The following DENND10 variants were observed in gnomAD, a reference collection of about 807,000 sequenced individuals.
DENND10 encodes DENN domain containing 10.
DENND10 carries 24 observed loss-of-function variants against 43.6 expected under a neutral mutation model. That is an observed-to-expected ratio of 0.55 (90% CI 0.40 to 0.77). The LOEUF is 0.77. DENND10 is among the 30% of genes least tolerant of loss of function. The probability of loss-of-function intolerance (pLI) is 0.00; values close to 1 mark genes in which losing one functional copy is unlikely to be tolerated. For missense variants in DENND10, 303 were observed against 429.9 expected (o/e 0.70, Z 2.61); for synonymous variants, 125 against 157.6 (o/e 0.79, Z 1.55).
chr10:119,109,290 T>C (rs1844860417), intron 2 of DENND10, among the ~76,000 whole-genome samples: 1 of 152,044 alleles, frequency 6.6e-6, no homozygotes. Context: ...TCTTGGTGTG[T>C]TGTTTGATAT....
At chr10:119,117,453 G>A (rs945990375) in intron 3 of DENND10, 66 bp from the exon 4 acceptor site, 9 of 1,533,370 alleles carry the variant, frequency 5.9e-6, no homozygotes, top group Middle Eastern at 3.5e-4. Context: ...ATACCAGCCT[G>A]GGTGCACATC....
At chr10:119,123,077 G>C (rs1335403348) in intron 5 of DENND10, among the ~76,000 whole-genome samples, 4 of 152,128 alleles carry the variant, frequency 2.6e-5, no homozygotes, top group Non-Finnish European at 5.9e-5. Context: ...AGATCAGCCT[G>C]GCCAACATGG....
Position 119,104,151 on chromosome 10 carries a change from G to A in DENND10, c.9G>A (p.Ala3=), listed in dbSNP as rs1415561452. 6 of 1,516,534 alleles carry A rather than the reference G, an allele frequency of 4.0e-6. No individual in the cohort carries two copies. The highest frequency in any genetic ancestry group is 5.3e-6 in the Non-Finnish European group (6 of 1,133,650). The allele number at this position is 1,516,534 out of a possible 1,614,324, so 93.9% of individuals were successfully genotyped here. A position where few individuals can be genotyped will look rare whatever the true frequency, so the allele number is the denominator to read the frequency against. The part of the protein sequence containing the change: MA[A]AEVADTQLML... ...CGCCGCGGCGGCGGAAGATGGCTGC[G>A]GCCGAGGTGGCGGACACTCAGCTGA... The change falls in exon 1 of 9, where the codon GCG becomes GCA. Residue 3 remains alanine (A), a synonymous_variant. Transcript: ENST00000361432.
chr10:119,123,787 G>T (rs1845699542), intron 6 of DENND10, among the ~76,000 whole-genome samples: 1 of 151,444 alleles, frequency 6.6e-6, no homozygotes, highest in African/African-American at 2.4e-5. Context: ...TTTAAAGAGG[G>T]TTTTTTGTTT....
At chr10:119,104,240 C>G in intron 1 of DENND10, 43 bp downstream of exon 1, 1 of 1,487,270 alleles carries the variant, frequency 6.7e-7, no homozygotes, top group East Asian at 2.9e-5. Flanking sequence ...CACCCTGGTT[C>G]TGCCTCTGCT....
At chr10:119,122,835 C>G (rs979556693) in intron 5 of DENND10, among the ~76,000 whole-genome samples, 1 of 147,134 alleles carries the variant, frequency 6.8e-6, no homozygotes, top group Non-Finnish European at 1.5e-5. Context: ...CCCTTAGACT[C>G]CCTTTCCATG....
chr10:119,123,562 G>T lies in DENND10; in HGVS notation c.687G>T (p.Met229Ile). 1 of 1,607,710 alleles carries T rather than the reference G, an allele frequency of 6.2e-7. No homozygotes were observed. The highest frequency in any genetic ancestry group is 8.5e-7 in the Non-Finnish European group (1 of 1,175,174). ...LNADELEALQ[M>I]CTGYVAGFVD... The stretch of plus-strand genomic sequence containing the variant: ...CCGATGAGCTGGAAGCCCTGCAGAT[G>T]TGCACAGGTAGACAAGAGGATCCCA... The change falls in exon 6 of 9, where the codon ATG becomes ATT. Residue 229 changes from methionine (M) to isoleucine (I), a missense_variant. Physicochemically the swap from Met to Ile is conservative, Grantham distance 10. Transcript: ENST00000361432.
intron 6 of DENND10, 22 bp from the exon 7 acceptor site, chr10:119,129,493 G>A: frequency 6.5e-7 from 1 of 1,533,558 alleles, no homozygotes; most frequent in Non-Finnish European, 9.0e-7. Context: ...CTCCAGTAAG[G>A]TTGCTCATGT....
chr10:119,133,521 C>G (rs980043441), intron 8 of DENND10: 11 of 152,174 alleles, frequency 7.2e-5, no homozygotes, highest in Admixed American at 3.3e-4. Flanking sequence ...TCCCTGCCCT[C>G]ATGGAGTCTG....
Position 119,132,845 on chromosome 10 carries a change from A to C in DENND10, c.897+236A>C. On this transcript the variant is annotated intron_variant, in intron 8 of 8. Coordinates refer to ENST00000361432, the MANE Select transcript of DENND10 (RefSeq NM_207009.4). The surrounding 1 kb of genome is among the most constrained non-coding windows in gnomAD (Gnocchi z 4.2). Reference sequence around the variant, plus strand: ...TACACAGGGGCTGGTGCTGACACCGACCGCTGGCAATGAGAAATGTAACTA... The same window carrying C: ...TACACAGGGGCTGGTGCTGACACCGCCCGCTGGCAATGAGAAATGTAACTA... The C allele has an allele frequency of 2.1e-6, 1 of 484,766 alleles. No individual in the cohort carries two copies. The highest frequency in any genetic ancestry group is 3.7e-6 in the Non-Finnish European group (1 of 271,100). 30.0% of individuals were successfully genotyped at this position (484,766 alleles called of 1,614,324 possible).
intron 6 of DENND10, among the ~76,000 whole-genome samples, chr10:119,125,921 C>T (rs1051195453): frequency 6.6e-6 from 1 of 152,026 alleles, no homozygotes; most frequent in Non-Finnish European, 1.5e-5. Flanking sequence ...ATTTTTGTAT[C>T]CACTAACCAT....
chr10:119,130,848 CGA>C (rs1364779076), intron 7 of DENND10, among the ~76,000 whole-genome samples: 4 of 152,018 alleles, frequency 2.6e-5, no homozygotes, highest in East Asian at 1.9e-4. Flanking sequence ...GTGAGTGACC[CGA>C]GAGAGAAAAG....
rs574470175 is a variant in DENND10, at chr10:119,111,717, G to A, written c.253-132G>A. On this transcript the variant is annotated intron_variant, in intron 2 of 8. Coordinates refer to ENST00000361432, the MANE Select transcript of DENND10 (RefSeq NM_207009.4). Reference sequence around the variant, plus strand: ...GCAGAAGTATAAAGAAGCAAGTGAGGACTTGTTAAATTTTGGTCTTTTTCT... The same window carrying A: ...GCAGAAGTATAAAGAAGCAAGTGAGAACTTGTTAAATTTTGGTCTTTTTCT... The A allele has an allele frequency of 1.9e-5, 12 of 637,594 alleles. No individual in the cohort carries two copies. In the East Asian group the frequency reaches 3.0e-4, roughly 16 times the overall value. 39.5% of individuals were successfully genotyped at this position (637,594 alleles called of 1,614,324 possible).
At chr10:119,120,797 A>G (rs186332405) in intron 5 of DENND10, among the ~76,000 whole-genome samples, 1 of 152,302 alleles carries the variant, frequency 6.6e-6, no homozygotes, top group African/African-American at 2.4e-5. Flanking sequence ...GCTGTGGTCA[A>G]TGAAATTTTA....
intron 6 of DENND10, among the ~76,000 whole-genome samples, chr10:119,123,905 A>AG (rs1845705256): frequency 6.6e-6 from 1 of 150,752 alleles, no homozygotes; most frequent in African/African-American, 2.4e-5. Flanking sequence ...TTAAAAAAAA[A>AG]TTGTGGCCGG....
intron 7 of DENND10, among the ~76,000 whole-genome samples, chr10:119,131,268 C>T (rs541737362): frequency 6.6e-6 from 1 of 152,274 alleles, no homozygotes; most frequent in African/African-American, 2.4e-5. Flanking sequence ...ACCAGCCTGG[C>T]TAACACGGTG....
rs746338772 is a variant in DENND10, at chr10:119,117,685, A to C, written c.481+18A>C. 3.7e-6 allele frequency: 6 copies of C among 1,612,504 alleles called. No homozygotes were observed. In the African/African-American group the frequency reaches 8.0e-5, roughly 22 times the overall value. On this transcript the variant is annotated intron_variant, in intron 4 of 8. Transcript: ENST00000361432. ...CATCAAAGGTAAGAAGGGAAAAAACAGGCCAGGGACGGTGGCTCACGCCTG... is the reference window on the plus strand; with the variant it reads ...CATCAAAGGTAAGAAGGGAAAAAACCGGCCAGGGACGGTGGCTCACGCCTG...
chr10:119,121,520 T>C (rs2133497046), intron 5 of DENND10, among the ~76,000 whole-genome samples: 1 of 149,046 alleles, frequency 6.7e-6, no homozygotes, highest in Admixed American at 6.9e-5. Context: ...AGTGGCGCGA[T>C]CTTGGCTCAC....
At chr10:119,111,735 C>A in intron 2 of DENND10, 114 bp from the exon 3 acceptor site, 2 of 789,604 alleles carry the variant, frequency 2.5e-6, no homozygotes, top group South Asian at 1.8e-5. Context: ...AAATTTTGGT[C>A]TTTTTCTTTT....
Sources: allele counts gnomAD v4.1 joint callset (sites outside exome capture counted in the v4.1 genomes callset), GRCh38; gene constraint gnomAD v4.1.1; non-coding constraint Gnocchi (gnomAD v3.1); transcripts MANE v1.5; gene names NCBI Gene and HGNC (gene_info 2026-07-23, HGNC 2026-07-21).